Variants in SUCO observed in about 807,000 individuals in gnomAD.
SUCO encodes SUN domain containing ossification factor, also known as SUN domain-containing ossification factor.
Under a neutral mutation model 148.1 loss-of-function variants are expected in SUCO, and 57 were observed. The observed-to-expected ratio is 0.38, with a 90% confidence interval of 0.31 to 0.48. SUCO has a LOEUF of 0.48. Among genes scored for constraint, SUCO ranks in the 20% least tolerant of loss-of-function variants. SUCO has a pLI of 0.96. For synonymous variants in SUCO, 470 were observed against 502.7 expected (o/e 0.93, Z 0.87); for missense variants, 1,331 against 1,468.2 (o/e 0.91, Z 1.53).
intron 1 of SUCO, chr1:172,550,927 A>G: frequency 1.1e-6 from 1 of 941,826 alleles, no homozygotes. Context: ...ACTCTACTTG[A>G]TAATAATTGT....
chr1:172,535,160 G>A (rs1361344228), intron 1 of SUCO, among the ~76,000 whole-genome samples: 1 of 152,148 alleles, frequency 6.6e-6, no homozygotes, highest in East Asian at 1.9e-4. Context: ...TTCCCTGTTA[G>A]GGAACAAATC....
chr1:172,544,735 A>G (rs780122089), intron 1 of SUCO, among the ~76,000 whole-genome samples: 2 of 152,222 alleles, frequency 1.3e-5, no homozygotes, highest in Admixed American at 6.5e-5. Context: ...GACAGGAAAT[A>G]TGAAGCTGAA....
rs142492201 is a variant in SUCO at position 172,585,186 on chromosome 1, A to C, written c.1567+100A>C. 797 of 976,698 alleles carry C rather than the reference A, an allele frequency of 8.2e-4. 5 individuals are homozygous for C. In the African/African-American group the frequency reaches 0.012, roughly 15 times the overall value. The allele number at this position is 976,698 out of a possible 1,614,324, so 60.5% of individuals were successfully genotyped here. A position where few individuals can be genotyped will look rare whatever the true frequency, so the allele number is the denominator to read the frequency against. ...GAGTTAAGAAAATTTGATTGTTTACATTTAGAAATATAGAAATAATTCAGA... is the reference window on the plus strand; with the variant it reads ...GAGTTAAGAAAATTTGATTGTTTACCTTTAGAAATATAGAAATAATTCAGA... On this transcript the variant is annotated intron_variant, in intron 16 of 23. Transcript: ENST00000263688.
At chr1:172,599,425 A>C (rs890646616) in intron 19 of SUCO, 1 of 829,856 alleles carries the variant, frequency 1.2e-6, no homozygotes, top group Non-Finnish European at 1.5e-6. Flanking sequence ...ATGCATACAA[A>C]CTATATTATA....
At chr1:172,585,120 T>A in intron 16 of SUCO, 34 bp downstream of exon 16, 1 of 1,482,028 alleles carries the variant, frequency 6.7e-7, no homozygotes. Flanking sequence ...TTTAAATAGC[T>A]GGTACTCCAG....
rs78727449 is a variant in SUCO at position 172,535,414 on chromosome 1, A to C, written c.62+1917A>C. Among the ~76,000 whole-genome samples, 48 of 152,346 alleles carry C rather than the reference A, an allele frequency of 3.2e-4. No individual in the cohort carries two copies. In the East Asian group the frequency reaches 8.9e-3, roughly 28 times the overall value. On this transcript the variant is annotated intron_variant, in intron 1 of 23. Coordinates refer to ENST00000263688, the MANE Select transcript of SUCO (RefSeq NM_014283.5). ...GACATTAAGGCTTAAAGGGTTTTTT[A>C]AAGGGTGATGATGATGAATGAGATT...
At chr1:172,554,337 C>T (rs1346763355) in intron 3 of SUCO, among the ~76,000 whole-genome samples, 1 of 152,196 alleles carries the variant, frequency 6.6e-6, no homozygotes, top group East Asian at 1.9e-4. Context: ...TCAAATACTT[C>T]CGAGTGCTTA....
rs1466828922 is a variant in SUCO, at chr1:172,589,563, C to T, written c.2462C>T (p.Ser821Phe). ...TCCATGCAAATTTTCACAAAGCTGT[C>T]TGAAACAATAGTGCCACCAATAAAT... ...VNSMQIFTKLSETIVPPINTA... is the reference protein window; with the variant it reads ...VNSMQIFTKLFETIVPPINTA... The change falls in exon 18 of 24, where the codon TCT (serine) becomes TTT (phenylalanine). Residue 821 changes from serine (S) to phenylalanine (F), a missense_variant. Physicochemically the swap from Ser to Phe is radical, Grantham distance 155. Around this residue, in one of 3 missense-constraint regions of SUCO, gnomAD observed 992 missense variants for 1,093.5 expected, o/e 0.91. Coordinates refer to ENST00000263688, the MANE Select transcript of SUCO (RefSeq NM_014283.5). The T allele has an allele frequency of 6.2e-7, 1 of 1,613,640 alleles. No individual in the cohort carries two copies. Among genetic ancestry groups the T allele is most frequent in the Non-Finnish European group, 8.5e-7 (1 of 1,179,878 alleles).
chr1:172,555,074 C>T (rs1444518089), intron 3 of SUCO, among the ~76,000 whole-genome samples: 2 of 151,978 alleles, frequency 1.3e-5, no homozygotes, highest in African/African-American at 4.8e-5. Flanking sequence ...ACTTGATATT[C>T]ATTTATTGAG....
chr1:172,572,812 G>A (rs1655145275), intron 9 of SUCO, among the ~76,000 whole-genome samples: 1 of 151,876 alleles, frequency 6.6e-6, no homozygotes, highest in Admixed American at 6.6e-5. Context: ...TGAGAGTAGG[G>A]GTGGAACATA....
At chr1:172,580,710 T>C (rs1032538103) in intron 15 of SUCO, among the ~76,000 whole-genome samples, 3 of 152,154 alleles carry the variant, frequency 2.0e-5, no homozygotes, top group African/African-American at 7.2e-5. Context: ...CTTAAGGAAA[T>C]AATGTCTTAT....
At chr1:172,581,074 T>G (rs1467848780) in intron 15 of SUCO, among the ~76,000 whole-genome samples, 1 of 152,122 alleles carries the variant, frequency 6.6e-6, no homozygotes. Flanking sequence ...CACTCCAGCC[T>G]GGGGGACAGA....
Position 172,602,020 on chromosome 1 carries a change from A to G in SUCO, c.3019-44A>G, listed in dbSNP as rs775633031. Reference sequence around the variant, plus strand: ...TTTAGATACCCTTATATTTTTCCTAATATGATTTCCTATGATTATTATTTA... The same window carrying G: ...TTTAGATACCCTTATATTTTTCCTAGTATGATTTCCTATGATTATTATTTA... On this transcript the variant is annotated intron_variant, in intron 20 of 23. Transcript: ENST00000263688. The G allele has an allele frequency of 7.9e-6, 12 of 1,528,316 alleles. No homozygotes were observed. In the Admixed American group the frequency reaches 2.6e-4, roughly 33 times the overall value. The allele number at this position is 1,528,316 out of a possible 1,614,324, so 94.7% of individuals were successfully genotyped here.
At chr1:172,570,364 A>AT (rs1422061330) in intron 8 of SUCO, 193 bp downstream of exon 8, 2 of 486,132 alleles carry the variant, frequency 4.1e-6, no homozygotes, top group African/African-American at 4.0e-5. Flanking sequence ...TTTGCCCTGC[A>AT]TTTTTTAACT....
At chr1:172,541,613 A>G (rs1652462078) in intron 1 of SUCO, among the ~76,000 whole-genome samples, 2 of 152,238 alleles carry the variant, frequency 1.3e-5, no homozygotes, top group African/African-American at 4.8e-5. Flanking sequence ...GCAGTAGTGC[A>G]GTGCAGTGCA....
At chr1:172,596,799 C>G (rs532434085) in intron 19 of SUCO, among the ~76,000 whole-genome samples, 1 of 152,326 alleles carries the variant, frequency 6.6e-6, no homozygotes, top group East Asian at 1.9e-4. Flanking sequence ...TGGAGAACCA[C>G]TACTCTCTTC....
At chr1:172,539,708 TAG>T (rs1326537744) in intron 1 of SUCO, among the ~76,000 whole-genome samples, 1 of 152,228 alleles carries the variant, frequency 6.6e-6, no homozygotes, top group Non-Finnish European at 1.5e-5. Flanking sequence ...GCCTCACTCG[TAG>T]TAAGCACTAC....
rs779914580 is a variant in SUCO, at chr1:172,551,511, G to A, written c.63-1G>A. ...TGTTGGTGGTGGTGGGTGTTTTACA[G>A]GCTTCCCAGCTGGCGTGTATGTTGT... On this transcript the variant is annotated splice_acceptor_variant, in intron 1 of 23. Coordinates refer to ENST00000263688, the MANE Select transcript of SUCO (RefSeq NM_014283.5). LOFTEE classifies it high-confidence loss of function. The A allele has an allele frequency of 6.3e-7, 1 of 1,584,034 alleles. No individual in the cohort carries two copies. Among genetic ancestry groups the A allele is most frequent in the Non-Finnish European group, 8.6e-7 (1 of 1,165,046 alleles).
intron 4 of SUCO, 36 bp downstream of exon 4, chr1:172,556,059 C>T: frequency 6.5e-7 from 1 of 1,541,192 alleles, no homozygotes; most frequent in Non-Finnish European, 8.9e-7. Context: ...AAAAAAGAAT[C>T]TCCTTAGTTA....
Sources: allele counts gnomAD v4.1 joint callset (sites outside exome capture counted in the v4.1 genomes callset), GRCh38; gene constraint gnomAD v4.1.1; regional missense constraint gnomAD v4.1.1; transcripts MANE v1.5; gene names NCBI Gene and HGNC (gene_info 2026-07-23, HGNC 2026-07-21).